The following MYO16 variants were observed in gnomAD, a reference collection of about 807,000 sequenced individuals.
MYO16 encodes unconventional myosin-XVI.
In MYO16, 94 loss-of-function variants were observed where a neutral mutation model predicts 205.3. That is an observed-to-expected ratio of 0.46 (90% CI 0.39 to 0.54). The LOEUF is 0.54. Among genes scored for constraint, MYO16 ranks in the 20% least tolerant of loss-of-function variants. MYO16 has a pLI of 0.00. For missense variants in MYO16, 2,315 were observed against 2,387.5 expected, an observed-to-expected ratio of 0.97 and a Z score of 0.63; for synonymous variants, 988 against 954.0, an observed-to-expected ratio of 1.04 and a Z score of -0.66.
At chr13:109,046,007 G>C (rs413506) in intron 23 of MYO16, among the ~76,000 whole-genome samples, 29 of 151,822 alleles carry the variant, frequency 1.9e-4, no homozygotes, top group African/African-American at 4.8e-4. Context: ...CACGGCGGAT[G>C]CTCGCCCTCC....
At chr13:108,750,790 G>A (rs1885211546) in intron 4 of MYO16, among the ~76,000 whole-genome samples, 1 of 151,874 alleles carries the variant, frequency 6.6e-6, no homozygotes, top group Non-Finnish European at 1.5e-5. Context: ...CTGGGTGACA[G>A]AGCAAGACTC....
At chr13:108,695,308 C>T (rs1232704337) in intron 2 of MYO16, among the ~76,000 whole-genome samples, 1 of 152,086 alleles carries the variant, frequency 6.6e-6, no homozygotes, top group Non-Finnish European at 1.5e-5. Context: ...ATCTTGGAAC[C>T]CTTGTTGAAA....
the MYO16 span, among the ~76,000 whole-genome samples, chr13:108,582,338 C>T: frequency 6.6e-6 from 1 of 152,014 alleles, no homozygotes; most frequent in Non-Finnish European, 1.5e-5. Context: ...TACCCAGTTC[C>T]ACATGTATGA....
chr13:108,666,825 C>G (rs1881753987), intron 2 of MYO16, among the ~76,000 whole-genome samples: 1 of 152,112 alleles, frequency 6.6e-6, no homozygotes, highest in Non-Finnish European at 1.5e-5. Flanking sequence ...TTTATATACT[C>G]TTGTATGTGA....
At chr13:109,203,297 A>G (rs1477675121) in intron 34 of MYO16, among the ~76,000 whole-genome samples, 2 of 152,250 alleles carry the variant, frequency 1.3e-5, no homozygotes, top group Non-Finnish European at 2.9e-5. Flanking sequence ...CAATCTATAC[A>G]TCTGACAAAG....
intron 16 of MYO16, among the ~76,000 whole-genome samples, chr13:108,950,829 G>A (rs1326056503): frequency 2.6e-5 from 4 of 152,198 alleles, no homozygotes; most frequent in African/African-American, 9.6e-5. Flanking sequence ...TAGACACACT[G>A]CTGTGTGTTA....
intron 4 of MYO16, among the ~76,000 whole-genome samples, chr13:108,754,192 G>T (rs1448906094): frequency 6.6e-6 from 1 of 151,584 alleles, no homozygotes; most frequent in Non-Finnish European, 1.5e-5. Context: ...GTAGCATGCA[G>T]GACAAGCTGT....
At chr13:109,172,146 G>T (rs1409600030) in intron 33 of MYO16, among the ~76,000 whole-genome samples, 2 of 152,152 alleles carry the variant, frequency 1.3e-5, no homozygotes, top group Non-Finnish European at 2.9e-5. Flanking sequence ...AGGAGCCTTT[G>T]GTTGGAACCC....
At chr13:108,667,248 C>G (rs978609481) in intron 2 of MYO16, among the ~76,000 whole-genome samples, 2 of 150,590 alleles carry the variant, frequency 1.3e-5, no homozygotes, top group South Asian at 2.1e-4. Flanking sequence ...TAAGAAGACT[C>G]AAGTCATTTT....
intron 11 of MYO16, among the ~76,000 whole-genome samples, chr13:108,860,567 C>T (rs1008158302): frequency 3.3e-5 from 5 of 152,114 alleles, no homozygotes; most frequent in African/African-American, 9.7e-5. Flanking sequence ...CTGCTTTTAG[C>T]TCTTTGAGGT....
intron 2 of MYO16, among the ~76,000 whole-genome samples, chr13:108,671,938 CAT>C (rs1452795738): frequency 4.6e-5 from 7 of 152,088 alleles, no homozygotes; most frequent in Non-Finnish European, 7.4e-5. Context: ...AGGGCTTCTA[CAT>C]ATGATTTTTG....
intron 11 of MYO16, among the ~76,000 whole-genome samples, chr13:108,863,458 T>C (rs1878551498): frequency 6.6e-6 from 1 of 152,184 alleles, no homozygotes; most frequent in Non-Finnish European, 1.5e-5. Flanking sequence ...GATGATCATA[T>C]GTCTTTTTAA....
At position 109,141,699 on chromosome 13, in the gene MYO16, T is replaced by A. The variant is rs183328253; in HGVS notation, c.5164+323T>A. Reference sequence around the variant, plus strand: ...AATGTTAGCTACTAATTTCTTTTTTTAAAAAAATATTTTTTCCTTATAACG... The same window carrying A: ...AATGTTAGCTACTAATTTCTTTTTTAAAAAAAATATTTTTTCCTTATAACG... On this transcript the variant is annotated intron_variant, in intron 32 of 34. Coordinates refer to ENST00000457511, the MANE Select transcript of MYO16 (RefSeq NM_001198950.3). This position sits in a 1 kb window ranked among gnomAD's most constrained non-coding sequence, Gnocchi z 4.1. Among the ~76,000 whole-genome samples the A allele has an allele frequency of 0.035, 5,400 of 152,278 alleles. 138 individuals carry two copies. The highest frequency in any genetic ancestry group is 0.054 in the Non-Finnish European group (3,641 of 68,016).
At chr13:108,929,523 G>A (rs960913654) in intron 16 of MYO16, among the ~76,000 whole-genome samples, 1 of 152,238 alleles carries the variant, frequency 6.6e-6, no homozygotes, top group Non-Finnish European at 1.5e-5. Context: ...ATTTGGTAAA[G>A]TTGGAAATGT....
intron 27 of MYO16, among the ~76,000 whole-genome samples, chr13:109,069,481 A>G (rs1039522124): frequency 3.3e-5 from 5 of 152,082 alleles, no homozygotes; most frequent in African/African-American, 1.2e-4. Flanking sequence ...AACAGACTAG[A>G]TGGCTTAAAA....
At position 109,156,291 on chromosome 13, in the gene MYO16, G is replaced by C. The variant is rs146361197; in HGVS notation, c.5165-8610G>C. Among the ~76,000 whole-genome samples the C allele has an allele frequency of 3.8e-3, 575 of 152,300 alleles. 11 individuals carry two copies. The highest frequency in any genetic ancestry group is 0.035 in the Admixed American group (536 of 15,296). ...AATTTTACAAACGAGAACTTGAGAA[G>C]TGGTGGGAGCCTGCCAGGCACCTCT... On this transcript the variant is annotated intron_variant, in intron 32 of 34. Coordinates refer to ENST00000457511, the MANE Select transcript of MYO16 (RefSeq NM_001198950.3).
intron 23 of MYO16, among the ~76,000 whole-genome samples, chr13:109,025,130 T>A (rs946445869): frequency 3.9e-5 from 6 of 152,164 alleles, no homozygotes; most frequent in African/African-American, 1.4e-4. Context: ...TGTATCTCCT[T>A]CATCACCACT....
In MYO16 at chr13:109,141,957, G is replaced by A. The variant is rs928553316; in HGVS notation, c.5164+581G>A. ...CCAAGGAGCACTCTAACGCAGCCCC[G>A]TTATCTGTGTTTTCTCATCCAGCGA... is the stretch of plus-strand genomic sequence containing the variant. On this transcript the variant is annotated intron_variant, in intron 32 of 34. Transcript: ENST00000457511. This position sits in a 1 kb window ranked among gnomAD's most constrained non-coding sequence, Gnocchi z 4.1. Among the ~76,000 whole-genome samples the A allele has an allele frequency of 6.6e-6, 1 of 152,116 alleles. No homozygotes were observed. The highest frequency in any genetic ancestry group is 1.5e-5 in the Non-Finnish European group (1 of 68,018).
chr13:109,074,238 C>T (rs1051825939), intron 27 of MYO16, among the ~76,000 whole-genome samples: 1 of 152,284 alleles, frequency 6.6e-6, no homozygotes, highest in African/African-American at 2.4e-5. Context: ...AAAAATGCTT[C>T]CAGCCCTTTT....
Sources: gnomAD v4.1 joint callset for allele counts (sites outside exome capture counted in the v4.1 genomes callset) on GRCh38, gnomAD v4.1.1 for gene constraint, Gnocchi (gnomAD v3.1) non-coding constraint, MANE v1.5 for transcripts, NCBI Gene and HGNC (gene_info 2026-07-23, HGNC 2026-07-21) for gene names.